The following TRIM9 variants were observed in gnomAD, a reference collection of about 807,000 sequenced individuals.
The protein encoded by TRIM9 is tripartite motif containing 9, also known as E3 ubiquitin-protein ligase TRIM9.
In TRIM9, 26 loss-of-function variants were observed where a neutral mutation model predicts 78.3. That is an observed-to-expected ratio of 0.33 (90% CI 0.24 to 0.46). The LOEUF (loss-of-function observed/expected upper bound fraction) is 0.46, where lower values mean the gene tolerates loss of function less well. Ranked by LOEUF, TRIM9 falls within the 20% of genes least tolerant of loss-of-function variation. TRIM9 has a pLI of 1.00. For missense variants in TRIM9, 787 were observed against 1,036.4 expected, an observed-to-expected ratio of 0.76 and a Z score of 3.30; for synonymous variants, 398 against 416.5, an observed-to-expected ratio of 0.96 and a Z score of 0.54.
At chr14:51,093,829 C>A (rs1022412390) in intron 1 of TRIM9, among the ~76,000 whole-genome samples, 7 of 152,236 alleles carry the variant, frequency 4.6e-5, no homozygotes, top group Admixed American at 1.3e-4. Context: ...TGGCTGCAGA[C>A]CCGCCGCGGA....
chr14:51,079,960 T>C lies in TRIM9; in HGVS notation c.822+14158A>G, dbSNP rs560029608. On this transcript the variant is annotated intron_variant, in intron 1 of 12. Coordinates refer to ENST00000684578, the MANE Select transcript of TRIM9 (RefSeq NM_001387360.1). ...GGAGTAGAGAGTGCTAGTGGTAAGA[T>C]GCCAAAAAAGCTAGCAAGTAGTGCA... 2.6e-5 allele frequency among the ~76,000 whole-genome samples: 4 copies of C among 152,224 alleles called. No individual in the cohort carries two copies. In the East Asian group the frequency reaches 7.7e-4, roughly 29 times the overall value.
chr14:51,070,521 T>C (rs1018640485), intron 1 of TRIM9, among the ~76,000 whole-genome samples: 15 of 152,050 alleles, frequency 9.9e-5, no homozygotes, highest in Non-Finnish European at 1.2e-4. Context: ...TTCAGATTTT[T>C]TTTTTTTTTT....
In TRIM9 at chr14:51,003,539, T is replaced by C. The variant is rs2055359777; in HGVS notation, c.1307-2699A>G. On this transcript the variant is annotated intron_variant, in intron 5 of 12. Coordinates refer to ENST00000684578, the MANE Select transcript of TRIM9 (RefSeq NM_001387360.1). ...AAACTCAAATGTACCTGTGTAGACATAGGTATAATTAAAAAAGTAACTGAA... is the reference window on the plus strand; with the variant it reads ...AAACTCAAATGTACCTGTGTAGACACAGGTATAATTAAAAAAGTAACTGAA... Among the ~76,000 whole-genome samples, 12 of 152,158 alleles carry C rather than the reference T, an allele frequency of 7.9e-5. No homozygotes were observed. The South Asian group carries it at 2.3e-3, about 29-fold the overall frequency.
chr14:50,995,741 C>T (rs986536855), intron 7 of TRIM9, among the ~76,000 whole-genome samples: 1 of 151,874 alleles, frequency 6.6e-6, no homozygotes, highest in African/African-American at 2.4e-5. Flanking sequence ...AAAGCCAGAA[C>T]GCACCACCCC....
At chr14:51,067,632 T>G (rs2061860676) in intron 1 of TRIM9, among the ~76,000 whole-genome samples, 2 of 152,194 alleles carry the variant, frequency 1.3e-5, no homozygotes, top group Admixed American at 6.5e-5. Flanking sequence ...CCTAAGGATC[T>G]TTGCATGTGC....
chr14:51,050,409 A>G (rs1327657176), intron 1 of TRIM9, among the ~76,000 whole-genome samples: 1 of 152,172 alleles, frequency 6.6e-6, no homozygotes, highest in East Asian at 1.9e-4. Flanking sequence ...GCCTGCCACC[A>G]TGTAAGACAT....
chr14:51,090,222 C>T (rs2064173464), intron 1 of TRIM9, among the ~76,000 whole-genome samples: 3 of 152,136 alleles, frequency 2.0e-5, no homozygotes, highest in Admixed American at 2.0e-4. Flanking sequence ...AAAACATGAA[C>T]ATATGCTGCC....
At chr14:51,047,486 G>C (rs1474694310) in intron 1 of TRIM9, among the ~76,000 whole-genome samples, 2 of 152,174 alleles carry the variant, frequency 1.3e-5, no homozygotes, top group Non-Finnish European at 2.9e-5. Context: ...CCATAGGACT[G>C]ATTTGTTCCC....
At chr14:50,995,709 G>C (rs1323537050) in intron 7 of TRIM9, among the ~76,000 whole-genome samples, 3 of 152,064 alleles carry the variant, frequency 2.0e-5, no homozygotes, top group Non-Finnish European at 4.4e-5. Flanking sequence ...TAAGAAGAAG[G>C]TGAAAGATTT....
chr14:50,996,931 T>C (rs1001186157), intron 7 of TRIM9: 7 of 985,432 alleles, frequency 7.1e-6, no homozygotes, highest in African/African-American at 3.5e-5. Context: ...GGATTCAAAA[T>C]TGTGCTTGTT....
At chr14:50,999,798 G>C (rs1181275390) in intron 6 of TRIM9, among the ~76,000 whole-genome samples, 1 of 152,202 alleles carries the variant, frequency 6.6e-6, no homozygotes, top group Non-Finnish European at 1.5e-5. Context: ...GGCAAGACTA[G>C]GGTGGAGAGG....
chr14:50,998,096 T>C lies in TRIM9; in HGVS notation c.1557A>G (p.Thr519=), dbSNP rs1345519300. Residue 519 remains threonine (T), a synonymous_variant, in exon 7 of 13, where the codon ACA becomes ACG. Transcript: ENST00000684578. ...GGGTCTTGCTGTACGGGCTGACTCCTGTTTTGTTGAAGGCCTTGACCCGAG... is the reference window on the plus strand; with the variant it reads ...GGGTCTTGCTGTACGGGCTGACTCCCGTTTTGTTGAAGGCCTTGACCCGAG... ...YNARVKAFNK[T]GVSPYSKTLV... The C allele has an allele frequency of 6.2e-7, 1 of 1,614,124 alleles. No individual in the cohort carries two copies. The highest frequency in any genetic ancestry group is 8.5e-7 in the Non-Finnish European group (1 of 1,180,044).
chr14:51,026,846 G>A (rs1365582279), intron 1 of TRIM9, among the ~76,000 whole-genome samples: 1 of 152,138 alleles, frequency 6.6e-6, no homozygotes, highest in East Asian at 1.9e-4. Context: ...TGGAAAAGGT[G>A]GGAAGAACAG....
chr14:51,066,100 G>GGAGGGAGA (rs1333634295), intron 1 of TRIM9, among the ~76,000 whole-genome samples: 2 of 133,890 alleles, frequency 1.5e-5, no homozygotes, highest in African/African-American at 5.7e-5. Flanking sequence ...AGGGAGGGAG[G>GGAGGGAGA]GACGGAGGGA....
At chr14:51,015,885 T>C (rs2057136820) in intron 3 of TRIM9, among the ~76,000 whole-genome samples, 1 of 152,202 alleles carries the variant, frequency 6.6e-6, no homozygotes, top group African/African-American at 2.4e-5. Flanking sequence ...AAGTAAACAC[T>C]AACATTCTTT....
At chr14:51,049,331 C>T (rs1453721454) in intron 1 of TRIM9, among the ~76,000 whole-genome samples, 1 of 152,140 alleles carries the variant, frequency 6.6e-6, no homozygotes, top group Non-Finnish European at 1.5e-5. Flanking sequence ...CTCACTGTGA[C>T]TTGCAGTACT....
chr14:50,979,344 G>A (rs1394761230), intron 12 of TRIM9, 43 bp downstream of exon 12: 1 of 1,614,134 alleles, frequency 6.2e-7, no homozygotes. Context: ...CTTTGAACCG[G>A]TAGCCAGCAA....
At chr14:51,029,022 C>T (rs544900840) in intron 1 of TRIM9, among the ~76,000 whole-genome samples, 1 of 152,208 alleles carries the variant, frequency 6.6e-6, no homozygotes, top group Admixed American at 6.5e-5. Flanking sequence ...TCACGCTCAG[C>T]AAATGGGTAA....
chr14:50,990,345 C>T (rs764383678), intron 7 of TRIM9, among the ~76,000 whole-genome samples: 63 of 152,092 alleles, frequency 4.1e-4, no homozygotes, highest in Admixed American at 1.3e-3. Flanking sequence ...GTTCATTAGC[C>T]AACGCTATTG....
Sources: allele counts gnomAD v4.1 joint callset (sites outside exome capture counted in the v4.1 genomes callset), GRCh38; gene constraint gnomAD v4.1.1; transcripts MANE v1.5; gene names NCBI Gene and HGNC (gene_info 2026-07-23, HGNC 2026-07-21).